The following TICRR variants were observed in gnomAD, a reference collection of about 807,000 sequenced individuals.
The protein encoded by TICRR is TOPBP1 interacting checkpoint and replication regulator, also known as treslin.
In TICRR, 132 loss-of-function variants were observed where a neutral mutation model predicts 178.1. That is an observed-to-expected ratio of 0.74 (90% CI 0.64 to 0.86). The LOEUF is 0.86. Ranked by LOEUF, TICRR falls within the 40% of genes least tolerant of loss-of-function variation. The pLI, the probability that TICRR is intolerant of heterozygous loss-of-function variation, is 0.00. For missense variants in TICRR, 2,587 were observed against 2,334.3 expected (o/e 1.11, Z -2.23); for synonymous variants, 991 against 900.7 (o/e 1.10, Z -1.79).
At position 89,625,256 on chromosome 15, in the gene TICRR, C is replaced by T; in HGVS notation, c.4946C>T (p.Pro1649Leu). The T allele has an allele frequency of 1.2e-6, 2 of 1,613,054 alleles. No homozygotes were observed. Among genetic ancestry groups the T allele is most frequent in the Non-Finnish European group, 1.7e-6 (2 of 1,179,156 alleles). Residue 1649 changes from proline (P) to leucine (L), a missense_variant, in exon 20 of 22, where the codon CCC becomes CTC. Transcript: ENST00000268138. ...ACCTACATCTGCCAGGCCTGTACCCCCACCCACGGCCCTTCTAGTACCCCC... is the reference window on the plus strand; with the variant it reads ...ACCTACATCTGCCAGGCCTGTACCCTCACCCACGGCCCTTCTAGTACCCCC... ...GQTYICQACT[P>L]THGPSSTPSP...
intron 8 of TICRR, among the ~76,000 whole-genome samples, chr15:89,600,168 C>T (rs754518893): frequency 6.6e-6 from 1 of 152,116 alleles, no homozygotes; most frequent in East Asian, 1.9e-4. Context: ...CTGGGGTTGG[C>T]GCTTTTAAAA....
chr15:89,588,860 C>T (rs982114033), intron 4 of TICRR, among the ~76,000 whole-genome samples: 1 of 151,990 alleles, frequency 6.6e-6, no homozygotes, highest in Non-Finnish European at 1.5e-5. Flanking sequence ...TGACTATGAG[C>T]GTGTAGCCTT....
chr15:89,622,731 G>C (rs1963447189), intron 19 of TICRR, among the ~76,000 whole-genome samples: 1 of 152,134 alleles, frequency 6.6e-6, no homozygotes, highest in South Asian at 2.1e-4. Context: ...CATCAGGCTG[G>C]GTGCCATCCT....
intron 15 of TICRR, among the ~76,000 whole-genome samples, chr15:89,610,043 C>T (rs749285344): frequency 6.6e-6 from 1 of 152,096 alleles, no homozygotes; most frequent in Non-Finnish European, 1.5e-5. Context: ...ATATGTATTT[C>T]CTAAATTCTC....
intron 4 of TICRR, among the ~76,000 whole-genome samples, chr15:89,588,405 G>A (rs1962856744): frequency 6.6e-6 from 1 of 152,172 alleles, no homozygotes; most frequent in Non-Finnish European, 1.5e-5. Flanking sequence ...AAATGAGGGT[G>A]GTAAAGCTAG....
At chr15:89,610,639 TA>T (rs1468626400) in intron 15 of TICRR, among the ~76,000 whole-genome samples, 2 of 152,228 alleles carry the variant, frequency 1.3e-5, no homozygotes, top group African/African-American at 4.8e-5. Flanking sequence ...CATGTTTTTT[TA>T]ATCCATTCTT....
At position 89,594,460 on chromosome 15, in the gene TICRR, T is replaced by C; in HGVS notation, c.1587T>C (p.Thr529=). ...ASANKEESSK[T]EGELIHCLAE... ...CTAATAAGGAAGAGTCTTCCAAAAC[T>C]GAAGGCGAATTAATACATTGCCTTG... Residue 529 remains threonine (T), a synonymous_variant, in exon 6 of 22, where the codon ACT becomes ACC. Coordinates refer to ENST00000268138, the MANE Select transcript of TICRR (RefSeq NM_152259.4). The C allele has an allele frequency of 1.2e-6, 2 of 1,613,376 alleles. No homozygotes were observed. Among genetic ancestry groups the C allele is most frequent in the Non-Finnish European group, 1.7e-6 (2 of 1,179,614 alleles).
Position 89,599,416 on chromosome 15 carries a change from C to T in TICRR, c.1993C>T (p.Arg665Ter), listed in dbSNP as rs776699086. Residue 665 changes from arginine to a stop codon, truncating the protein, a stop_gained, in exon 8 of 22, where the codon CGA (arginine) becomes TGA (stop). Coordinates refer to ENST00000268138, the MANE Select transcript of TICRR (RefSeq NM_152259.4). LOFTEE classifies it high-confidence loss of function. Reference sequence around the variant, plus strand: ...AGAAATCATGTTGTATGCATGTGCTCGAAACATGATCTCAACCGTTAAAAT... The same window carrying T: ...AGAAATCATGTTGTATGCATGTGCTTGAAACATGATCTCAACCGTTAAAAT... The part of the protein sequence containing the change: ...TGEIMLYACA[R>*]NMISTVKMFL... The T allele has an allele frequency of 3.2e-5, 51 of 1,613,166 alleles. No homozygotes were observed. The highest frequency in any genetic ancestry group is 2.2e-5 in the East Asian group (1 of 44,852).
intron 8 of TICRR, among the ~76,000 whole-genome samples, chr15:89,600,038 G>A (rs904729985): frequency 2.6e-5 from 4 of 152,184 alleles, no homozygotes; most frequent in South Asian, 2.1e-4. Flanking sequence ...CCTGGGAGGT[G>A]GAGGTTGCAG....
intron 7 of TICRR, among the ~76,000 whole-genome samples, chr15:89,599,091 C>A (rs1963048876): frequency 6.6e-6 from 1 of 151,868 alleles, no homozygotes. Context: ...CCAGATAATT[C>A]TTCGTTGTAG....
In TICRR at chr15:89,585,792, G is replaced by C. The variant is rs781072768; in HGVS notation, c.1261G>C (p.Val421Leu). Residue 421 changes from valine (V) to leucine (L), a missense_variant, in exon 4 of 22, where the codon GTG becomes CTG. Physicochemically the swap from Val to Leu is conservative, Grantham distance 32. Transcript: ENST00000268138. ...CTCTGCCAGTGCTATGATCCTCACT[G>C]TGTGCCGCACCAAGGAGGCTGAATT... ...PLSASAMILT[V>L]CRTKEAEFQR... The C allele has an allele frequency of 1.9e-6, 3 of 1,614,142 alleles. No homozygotes were observed. Among genetic ancestry groups the C allele is most frequent in the Non-Finnish European group, 2.5e-6 (3 of 1,180,020 alleles).
At chr15:89,591,942 C>T (rs960547605) in intron 4 of TICRR, 105 bp from the exon 5 acceptor site, 1 of 1,001,832 alleles carries the variant, frequency 1.0e-6, no homozygotes, top group Non-Finnish European at 1.4e-6. Flanking sequence ...TTTGTATGTC[C>T]TTTGGAGGGA....
intron 13 of TICRR, among the ~76,000 whole-genome samples, chr15:89,605,542 G>A (rs1400764425): frequency 3.9e-5 from 6 of 152,034 alleles, no homozygotes; most frequent in African/African-American, 1.4e-4. Context: ...GTATTTTTTA[G>A]TAAAGATGGA....
At position 89,623,820 on chromosome 15, in the gene TICRR, T is replaced by A; in HGVS notation, c.3510T>A (p.Asp1170Glu). The A allele has an allele frequency of 6.2e-7, 1 of 1,613,592 alleles. No individual in the cohort carries two copies. The highest frequency in any genetic ancestry group is 1.1e-5 in the South Asian group (1 of 91,030). ...SSSPGHDSPL[D>E]SKITPQKRHT... is the part of the protein sequence containing the mutation. ...CACCCGGCCATGACTCACCATTGGA[T>A]TCAAAAATCACTCCTCAAAAACGAC... The change falls in exon 20 of 22, where the codon GAT (aspartate) becomes GAA (glutamate). Residue 1170 changes from aspartate (D) to glutamate (E), a missense_variant. Coordinates refer to ENST00000268138, the MANE Select transcript of TICRR (RefSeq NM_152259.4).
intron 4 of TICRR, among the ~76,000 whole-genome samples, chr15:89,590,741 C>G (rs1255148436): frequency 6.6e-6 from 1 of 152,208 alleles, no homozygotes; most frequent in Non-Finnish European, 1.5e-5. Context: ...ATCTACTCTT[C>G]CTATACTGGG....
intron 15 of TICRR, 160 bp downstream of exon 15, chr15:89,609,109 T>TTTTTTTTTTTTTTTG (rs1963218351): frequency 2.2e-6 from 1 of 450,508 alleles, no homozygotes; most frequent in African/African-American, 3.0e-5. Flanking sequence ...TCTTTTTTTT[T>TTTTTTTTTTTTTTTG]TTTTTTTTTT....
rs1325225568 is a variant in TICRR at position 89,606,842 on chromosome 15, G to A, written c.2722+17G>A. 2 of 1,609,644 alleles carry A rather than the reference G, an allele frequency of 1.2e-6. No homozygotes were observed. Among genetic ancestry groups the A allele is most frequent in the Non-Finnish European group, 1.7e-6 (2 of 1,176,416 alleles). ...CAGTGCAAGGTATACTGTTTTCTCA[G>A]TGTATGTATTTATTCACTAGCATGA... On this transcript the variant is annotated intron_variant, in intron 14 of 21. Transcript: ENST00000268138.
chr15:89,616,143 C>CCA (rs1208104836), intron 15 of TICRR, among the ~76,000 whole-genome samples: 8 of 152,262 alleles, frequency 5.3e-5, no homozygotes, highest in African/African-American at 1.7e-4. Flanking sequence ...CATTAGCCTC[C>CCA]CAAAGTTCTG....
At chr15:89,602,426 A>C (rs1963113555) in intron 12 of TICRR, among the ~76,000 whole-genome samples, 2 of 152,190 alleles carry the variant, frequency 1.3e-5, no homozygotes, top group South Asian at 4.1e-4. Flanking sequence ...ATTATAACCT[A>C]TGGGACCATT....
Sources: gnomAD v4.1 joint callset for allele counts (sites outside exome capture counted in the v4.1 genomes callset) on GRCh38, gnomAD v4.1.1 for gene constraint, MANE v1.5 for transcripts, NCBI Gene and HGNC (gene_info 2026-07-23, HGNC 2026-07-21) for gene names.